ZDHHC21: variants seen among roughly 807,000 people sequenced by gnomAD.
The protein encoded by ZDHHC21 is zDHHC palmitoyltransferase 21.
Under a neutral mutation model 34.6 loss-of-function variants are expected in ZDHHC21, and 15 were observed. The observed-to-expected ratio is 0.43, with a 90% confidence interval of 0.29 to 0.67. The LOEUF is 0.67. Ranked by LOEUF, ZDHHC21 falls within the 30% of genes least tolerant of loss-of-function variation. The pLI, the probability that ZDHHC21 is intolerant of heterozygous loss-of-function variation, is 0.14. For missense variants in ZDHHC21, 344 were observed against 327.7 expected (o/e 1.05, Z -0.38); for synonymous variants, 142 against 101.8 (o/e 1.40, Z -2.38).
At position 14,614,119 on chromosome 9, in the gene ZDHHC21, G is replaced by A. The variant is rs1053165077; in HGVS notation, c.*4847C>T. The stretch of plus-strand genomic sequence containing the variant: ...AGAGATTCTCTGATGTCAGAAACTG[G>A]CTCCAGTCAACTCTGTTGCTGAGAT... On this transcript the variant is annotated 3_prime_UTR_variant, in exon 10 of 10. Transcript: ENST00000380916. The A allele has an allele frequency of 1.3e-5, 2 of 151,762 alleles. No individual in the cohort carries two copies. Among genetic ancestry groups the A allele is most frequent in the Non-Finnish European group, 3.0e-5 (2 of 67,706 alleles). The allele number at this position is 151,762 out of a possible 1,614,324, so 9.4% of individuals were successfully genotyped here. A position where few individuals can be genotyped will look rare whatever the true frequency, so the allele number is the denominator to read the frequency against.
At chr9:14,610,886 A>G (rs1014410659), downstream of ZDHHC21, among the ~76,000 whole-genome samples, 2 of 152,044 alleles carry the variant, frequency 1.3e-5, no homozygotes, top group African/African-American at 2.4e-5. Context: ...ATGTACACCT[A>G]GTTCTTTTTG....
the ZDHHC21 span, among the ~76,000 whole-genome samples, chr9:14,596,240 G>A: frequency 2.0e-5 from 3 of 152,168 alleles, no homozygotes; most frequent in African/African-American, 4.8e-5. Context: ...CAACAAAATG[G>A]AACAGCAGAA....
In ZDHHC21 at chr9:14,617,252, C is replaced by T. The variant is rs1401483156; in HGVS notation, c.*1714G>A. ...AAATATATTTCTTCTATTTAATTTA[C>T]TACGTCTCTTTTCAGTACCAATAAA... On this transcript the variant is annotated 3_prime_UTR_variant, in exon 10 of 10. Transcript: ENST00000380916. The T allele has an allele frequency of 6.6e-6, 1 of 151,888 alleles. No individual in the cohort carries two copies. Among genetic ancestry groups the T allele is most frequent in the East Asian group, 1.9e-4 (1 of 5,162 alleles). 9.4% of individuals were successfully genotyped at this position (151,888 alleles called of 1,614,324 possible).
At chr9:14,600,720 T>G in the ZDHHC21 span, among the ~76,000 whole-genome samples, 9 of 152,188 alleles carry the variant, frequency 5.9e-5, no homozygotes, top group East Asian at 1.7e-3. Context: ...AGAACAAGGC[T>G]GGAGGCATTA....
intron 1 of ZDHHC21, among the ~76,000 whole-genome samples, chr9:14,690,861 A>C (rs192555983): frequency 1.5e-3 from 225 of 152,336 alleles, no homozygotes; most frequent in African/African-American, 5.3e-3. Context: ...TTTACCTTTA[A>C]TAAGAGTTAT....
chr9:14,683,219 A>G (rs576760608), intron 2 of ZDHHC21, among the ~76,000 whole-genome samples: 402 of 152,190 alleles, frequency 2.6e-3, no homozygotes, highest in Admixed American at 4.9e-3. Context: ...GAGACAAAAA[A>G]CCCTTCAAAA....
At chr9:14,689,218 C>T (rs777223800) in intron 2 of ZDHHC21, among the ~76,000 whole-genome samples, 11 of 152,036 alleles carry the variant, frequency 7.2e-5, no homozygotes, top group African/African-American at 2.4e-4. Context: ...AGAAGAAAAC[C>T]GAAAATAGAG....
intron 5 of ZDHHC21, 139 bp from the exon 6 acceptor site, chr9:14,662,465 A>T: frequency 1.7e-6 from 1 of 589,556 alleles, no homozygotes; most frequent in Non-Finnish European, 2.9e-6. Flanking sequence ...TTTGGTATAA[A>T]TGTGTTTGCC....
rs552877315 is a variant in ZDHHC21 at position 14,619,595 on chromosome 9, T to A, written c.665+44A>T. The A allele has an allele frequency of 4.5e-6, 6 of 1,326,368 alleles. No individual in the cohort carries two copies. In the South Asian group the frequency reaches 7.7e-5, roughly 17 times the overall value. The allele number at this position is 1,326,368 out of a possible 1,614,324, so 82.2% of individuals were successfully genotyped here. A position where few individuals can be genotyped will look rare whatever the true frequency, so the allele number is the denominator to read the frequency against. ...CATATTTCTCAAGTATGTCCAGTTC[T>A]TTCCAATTTTAAATAATACTATACA... On this transcript the variant is annotated intron_variant, in intron 9 of 9. Coordinates refer to ENST00000380916, the MANE Select transcript of ZDHHC21 (RefSeq NM_178566.6).
chr9:14,692,418 ATT>A (rs1481177150), intron 1 of ZDHHC21, among the ~76,000 whole-genome samples: 1 of 152,238 alleles, frequency 6.6e-6, no homozygotes, highest in Admixed American at 6.5e-5. Flanking sequence ...TTACAATATA[ATT>A]TATGACCCGC....
chr9:14,682,660 T>G (rs946172727), intron 2 of ZDHHC21, among the ~76,000 whole-genome samples: 1 of 152,114 alleles, frequency 6.6e-6, no homozygotes, highest in Non-Finnish European at 1.5e-5. Flanking sequence ...TATCCAGGAA[T>G]TAAACTCAGC....
At chr9:14,622,972 T>C (rs1825562767) in intron 8 of ZDHHC21, among the ~76,000 whole-genome samples, 1 of 152,106 alleles carries the variant, frequency 6.6e-6, no homozygotes, top group African/African-American at 2.4e-5. Context: ...CTAATGACTC[T>C]ATGGTGATTT....
intron 5 of ZDHHC21, among the ~76,000 whole-genome samples, chr9:14,671,774 T>TACA (rs1835487683): frequency 6.6e-6 from 1 of 152,150 alleles, no homozygotes; most frequent in Non-Finnish European, 1.5e-5. Flanking sequence ...CATAGAATTG[T>TACA]ACACTCTAAC....
downstream of ZDHHC21, among the ~76,000 whole-genome samples, chr9:14,608,491 T>C (rs370061104): frequency 3.9e-5 from 6 of 152,304 alleles, no homozygotes; most frequent in East Asian, 3.9e-4. Flanking sequence ...ATAGTCTGGC[T>C]TTCTTAAAAA....
In ZDHHC21 at chr9:14,613,002, T is replaced by A. The variant is rs959406272; in HGVS notation, c.*5964A>T. 3 of 151,872 alleles carry A rather than the reference T, an allele frequency of 2.0e-5. No homozygotes were observed. The highest frequency in any genetic ancestry group is 4.4e-5 in the Non-Finnish European group (3 of 67,848). 9.4% of individuals were successfully genotyped at this position (151,872 alleles called of 1,614,324 possible). A position where few individuals can be genotyped will look rare whatever the true frequency, so the allele number is the denominator to read the frequency against. ...TTTATATAAATTAGAGTTCTTACCTTTTTATTCATTGTTGCAGAAATAAAA... is the reference window on the plus strand; with the variant it reads ...TTTATATAAATTAGAGTTCTTACCTATTTATTCATTGTTGCAGAAATAAAA... On this transcript the variant is annotated 3_prime_UTR_variant, in exon 10 of 10. Transcript: ENST00000380916.
At chr9:14,597,511 C>T in the ZDHHC21 span, among the ~76,000 whole-genome samples, 1 of 152,156 alleles carries the variant, frequency 6.6e-6, no homozygotes, top group African/African-American at 2.4e-5. Flanking sequence ...GCAGTCCCTT[C>T]CCTAGCAGCA....
chr9:14,683,920 C>A (rs1236753991), intron 2 of ZDHHC21, among the ~76,000 whole-genome samples: 5 of 152,116 alleles, frequency 3.3e-5, no homozygotes, highest in African/African-American at 1.2e-4. Flanking sequence ...TAAACGTAAT[C>A]CAGCATATAA....
chr9:14,610,762 T>A (rs945225537), downstream of ZDHHC21, among the ~76,000 whole-genome samples: 1 of 152,062 alleles, frequency 6.6e-6, no homozygotes, highest in African/African-American at 2.4e-5. Context: ...TATAAAATAG[T>A]GTCTGCCACA....
chr9:14,608,957 T>C (rs568695864), downstream of ZDHHC21, among the ~76,000 whole-genome samples: 1 of 152,260 alleles, frequency 6.6e-6, no homozygotes, highest in East Asian at 1.9e-4. Flanking sequence ...ATTTTAAGTG[T>C]TCAAAAGCTG....
Sources: allele counts gnomAD v4.1 joint callset (sites outside exome capture counted in the v4.1 genomes callset), GRCh38; gene constraint gnomAD v4.1.1; transcripts MANE v1.5; gene names NCBI Gene and HGNC (gene_info 2026-07-23, HGNC 2026-07-21).